The following SIPA1L2 variants were observed in gnomAD, a reference collection of about 807,000 sequenced individuals.
SIPA1L2 encodes signal induced proliferation associated 1 like 2.
Under a neutral mutation model 163.9 loss-of-function variants are expected in SIPA1L2, and 56 were observed. The observed-to-expected ratio is 0.34, with a 90% CI of 0.28 to 0.43. SIPA1L2 has a LOEUF of 0.43. SIPA1L2 is among the 20% of genes least tolerant of loss of function. SIPA1L2 has a pLI of 1.00. For synonymous variants in SIPA1L2, 877 were observed against 865.7 expected (o/e 1.01, Z -0.23); for missense variants, 1,974 against 2,193.5 (o/e 0.90, Z 2.00).
intron 19 of SIPA1L2, among the ~76,000 whole-genome samples, chr1:232,406,322 C>T (rs1660631049): frequency 6.6e-6 from 1 of 152,172 alleles, no homozygotes; most frequent in Admixed American, 6.5e-5. Context: ...CACGTGGAGC[C>T]CCTTCGGTTT....
At position 232,460,507 on chromosome 1, in the gene SIPA1L2, T is replaced by C. The variant is rs371566335; in HGVS notation, c.3095+380A>G. 3.9e-5 allele frequency among the ~76,000 whole-genome samples: 6 copies of C among 152,234 alleles called. No homozygotes were observed. The East Asian group carries it at 9.6e-4, about 24-fold the overall frequency. On this transcript the variant is annotated intron_variant, in intron 10 of 22. Coordinates refer to ENST00000674635, the MANE Select transcript of SIPA1L2 (RefSeq NM_020808.5). Reference sequence around the variant, plus strand: ...GGCTTCATGTTATGGGAAGAAATTCTAACTGAATAGTTAAGTATTTAATGT... The same window carrying C: ...GGCTTCATGTTATGGGAAGAAATTCCAACTGAATAGTTAAGTATTTAATGT...
At chr1:232,490,519 T>C (rs1348207772) in intron 5 of SIPA1L2, among the ~76,000 whole-genome samples, 4 of 152,046 alleles carry the variant, frequency 2.6e-5, no homozygotes, top group Non-Finnish European at 5.9e-5. Flanking sequence ...TTCCACATAG[T>C]AGACAAGAAT....
intron 17 of SIPA1L2, 131 bp from the exon 18 acceptor site, chr1:232,425,939 A>G: frequency 1.3e-6 from 1 of 783,026 alleles, no homozygotes; most frequent in Non-Finnish European, 2.0e-6. Flanking sequence ...TTAGCTCAAG[A>G]ATGCCAAACG....
chr1:232,428,643 G>GT lies in SIPA1L2; in HGVS notation c.4257-80dup, dbSNP rs1311005913. 3 of 1,149,722 alleles carry GT rather than the reference G, an allele frequency of 2.6e-6. No individual in the cohort carries two copies. In the African/African-American group the frequency reaches 4.8e-5, roughly 18 times the overall value. The allele number at this position is 1,149,722 out of a possible 1,614,324, so 71.2% of individuals were successfully genotyped here. Reference sequence around the variant, plus strand: ...GGTAAGAATTAAAACCTAGGAAGCAGTTTCAACAGCCACAAACGCATACAA... The same window carrying GT: ...GGTAAGAATTAAAACCTAGGAAGCAGTTTTCAACAGCCACAAACGCATACAA... On this transcript the variant is annotated intron_variant, in intron 16 of 22. Coordinates refer to ENST00000674635, the MANE Select transcript of SIPA1L2 (RefSeq NM_020808.5).
intron 2 of SIPA1L2, among the ~76,000 whole-genome samples, chr1:232,569,429 C>G (rs1326036858): frequency 6.6e-6 from 1 of 152,242 alleles, no homozygotes; most frequent in Non-Finnish European, 1.5e-5. Flanking sequence ...GCAAAGGATG[C>G]TGTCGTTCCT....
At chr1:232,511,020 T>A (rs1666955762) in intron 3 of SIPA1L2, among the ~76,000 whole-genome samples, 1 of 152,208 alleles carries the variant, frequency 6.6e-6, no homozygotes, top group South Asian at 2.1e-4. Context: ...TTGGCAGCCA[T>A]GGCTTCATCA....
intron 1 of SIPA1L2, among the ~76,000 whole-genome samples, chr1:232,595,377 T>C (rs1661204443): frequency 6.6e-6 from 1 of 152,160 alleles, no homozygotes; most frequent in Non-Finnish European, 1.5e-5. Context: ...ATGCAAAGTC[T>C]GGGCCCCAAA....
At chr1:232,399,354 G>C (rs1050576350) in intron 22 of SIPA1L2, 81 bp from the exon 23 acceptor site, 1 of 1,470,898 alleles carries the variant, frequency 6.8e-7, no homozygotes. Context: ...GAGAATCTTT[G>C]ATTCTTATTT....
chr1:232,601,171 G>A (rs1275472663), intron 1 of SIPA1L2, among the ~76,000 whole-genome samples: 1 of 152,192 alleles, frequency 6.6e-6, no homozygotes, highest in African/African-American at 2.4e-5. Context: ...CAGGCAAGAT[G>A]AAGACTGCCT....
At chr1:232,563,559 T>C (rs1189695820) in intron 2 of SIPA1L2, among the ~76,000 whole-genome samples, 2 of 152,194 alleles carry the variant, frequency 1.3e-5, no homozygotes, top group Non-Finnish European at 1.5e-5. Flanking sequence ...GGCTTTCAAG[T>C]TTCCCTTACA....
intron 1 of SIPA1L2, among the ~76,000 whole-genome samples, chr1:232,597,201 T>C (rs1661303137): frequency 6.6e-6 from 1 of 152,074 alleles, no homozygotes; most frequent in Admixed American, 6.5e-5. Context: ...CACCGATGAA[T>C]ACAGCCAAAA....
At chr1:232,486,204 C>T (rs1186392650) in intron 5 of SIPA1L2, among the ~76,000 whole-genome samples, 5 of 152,146 alleles carry the variant, frequency 3.3e-5, no homozygotes, top group Admixed American at 1.3e-4. Context: ...GTATGTCAAG[C>T]AGAGCCGTCA....
In SIPA1L2 at chr1:232,439,288, G is replaced by T; in HGVS notation, c.3851C>A (p.Ala1284Glu). 1 of 1,614,146 alleles carries T rather than the reference G, an allele frequency of 6.2e-7. No homozygotes were observed. The highest frequency in any genetic ancestry group is 8.5e-7 in the Non-Finnish European group (1 of 1,180,050). ...GCTGTGGATCAGGGACCTGCTGCCT[G>T]CCAGGTGCACAGGGCCGAGGATGGT... ...PATILGPVHLAGSRSLIHSRA... is the reference protein window; with the variant it reads ...PATILGPVHLEGSRSLIHSRA... Residue 1284 changes from alanine to glutamate, a missense_variant, in exon 15 of 23, where the codon GCA becomes GAA. By Grantham distance (107) the Ala-to-Glu change is moderately radical (BLOSUM62 -1). Around this residue, in one of 3 missense-constraint regions of SIPA1L2, gnomAD observed 1,079 missense variants for 1,150.7 expected, o/e 0.94. Coordinates refer to ENST00000674635, the MANE Select transcript of SIPA1L2 (RefSeq NM_020808.5).
Position 232,432,484 on chromosome 1 carries a change from A to C in SIPA1L2, c.4032-13T>G. 1 of 1,610,450 alleles carries C rather than the reference A, an allele frequency of 6.2e-7. No individual in the cohort carries two copies. The highest frequency in any genetic ancestry group is 8.5e-7 in the Non-Finnish European group (1 of 1,176,658). On this transcript the variant is annotated splice_polypyrimidine_tract_variant and intron_variant, in intron 15 of 22. Transcript: ENST00000674635. ...ATGGTGAGAACCACTGAGGAGAAAAACAGACAAAAGCTGCAATACAATCTG... is the reference window on the plus strand; with the variant it reads ...ATGGTGAGAACCACTGAGGAGAAAACCAGACAAAAGCTGCAATACAATCTG...
Position 232,501,050 on chromosome 1 carries a change from A to ATT in SIPA1L2, c.1484-7392_1484-7391dup, listed in dbSNP as rs60008360. On this transcript the variant is annotated intron_variant, in intron 3 of 22. Transcript: ENST00000674635. ...TGTTAGCACTTTTTAGCAATGAAGT[A>ATT]TTTTTTTTTTTTTTTTTTTTTTTGT... Among the ~76,000 whole-genome samples the ATT allele has an allele frequency of 6.3e-3, 490 of 78,388 alleles. 9 individuals carry two copies. The highest frequency in any genetic ancestry group is 0.013 in the Middle Eastern group (1 of 78). The allele number at this position is 78,388 out of a possible 152,430, so 51.4% of individuals were successfully genotyped here.
Position 232,428,520 on chromosome 1 carries a change from TG to T in SIPA1L2, c.4300del (p.Gln1434ArgfsTer21). The T allele has an allele frequency of 6.3e-7, 1 of 1,592,866 alleles. No individual in the cohort carries two copies. Among genetic ancestry groups the T allele is most frequent in the South Asian group, 1.2e-5 (1 of 86,734 alleles). On this transcript the variant is annotated frameshift_variant, in exon 17 of 23. Transcript: ENST00000674635. LOFTEE classifies it high-confidence loss of function. ...MDVMSTATQH[Q>X]TVVGDAVAET... Reference sequence around the variant, plus strand: ...TGCAACAGCATCTCCCACCACTGTCTGATGCTGAGTTGCTGTGGACATGACA... The same window carrying T: ...TGCAACAGCATCTCCCACCACTGTCTATGCTGAGTTGCTGTGGACATGACA...
rs144714721 is a variant in SIPA1L2 at position 232,411,295 on chromosome 1, G to A, written c.4762+4199C>T. ...GGAGTGCAAGACCCCAAAAGATCAC[G>A]AGGTCTCCATAATCCAAGCCAGGGA... On this transcript the variant is annotated intron_variant, in intron 19 of 22. Coordinates refer to ENST00000674635, the MANE Select transcript of SIPA1L2 (RefSeq NM_020808.5). 7.1e-4 allele frequency among the ~76,000 whole-genome samples: 108 copies of A among 152,306 alleles called. 1 individual carries two copies. In the Middle Eastern group the frequency reaches 0.01, roughly 14 times the overall value.
chr1:232,407,352 C>T (rs1372312956), intron 19 of SIPA1L2, among the ~76,000 whole-genome samples: 3 of 152,166 alleles, frequency 2.0e-5, no homozygotes, highest in African/African-American at 7.2e-5. Context: ...TACACACACT[C>T]TCTCATACAC....
At chr1:232,589,941 T>C (rs1660876995) in intron 1 of SIPA1L2, among the ~76,000 whole-genome samples, 1 of 152,152 alleles carries the variant, frequency 6.6e-6, no homozygotes, top group Admixed American at 6.5e-5. Context: ...CTTGCACAAC[T>C]AAACAGACAC....
Sources: allele counts gnomAD v4.1 joint callset (sites outside exome capture counted in the v4.1 genomes callset), GRCh38; gene constraint gnomAD v4.1.1; regional missense constraint gnomAD v4.1.1; transcripts MANE v1.5; gene names NCBI Gene and HGNC (gene_info 2026-07-23, HGNC 2026-07-21).